NRXN3: variants seen among roughly 807,000 people sequenced by gnomAD.
NRXN3 encodes neurexin III.
In NRXN3, 32 loss-of-function variants were observed where a neutral mutation model predicts 137.6. That is an observed-to-expected ratio of 0.23 (90% confidence interval 0.18 to 0.31). NRXN3 has a LOEUF of 0.31. Ranked by LOEUF, NRXN3 falls within the 10% of genes least tolerant of loss-of-function variation. NRXN3 has a pLI of 1.00. For missense variants in NRXN3, 1,574 were observed against 2,062.5 expected (o/e 0.76, Z 4.59); for synonymous variants, 798 against 784.5 (o/e 1.02, Z -0.29).
In NRXN3 at chr14:78,243,265, A is replaced by G. The variant is rs768971906; in HGVS notation, c.172A>G (p.Asn58Asp). The G allele has an allele frequency of 1.3e-6, 2 of 1,560,340 alleles. No homozygotes were observed. The highest frequency in any genetic ancestry group is 2.3e-5 in the South Asian group (2 of 85,574). ...RSDLSFQFKT[N>D]VSTGLLLYLD... is the part of the protein sequence containing the mutation. The stretch of plus-strand genomic sequence containing the variant: ...TGACCTGAGTTTCCAGTTCAAGACC[A>G]ACGTCTCTACGGGGCTGCTCCTCTA... Residue 58 changes from asparagine (N) to aspartate (D), a missense_variant, in exon 2 of 21, where the codon AAC (asparagine) becomes GAC (aspartate). Physicochemically the swap from Asn to Asp is conservative, Grantham distance 23. This residue lies in a region of NRXN3 where 400 missense variants were observed against 527.3 expected (regional missense o/e 0.76). Coordinates refer to ENST00000335750, the MANE Select transcript of NRXN3 (RefSeq NM_001330195.2). The surrounding 1 kb of genome is among the most constrained non-coding windows in gnomAD (Gnocchi z 4.2).
At chr14:78,548,592 C>G (rs915610453) in intron 4 of NRXN3, among the ~76,000 whole-genome samples, 1 of 152,198 alleles carries the variant, frequency 6.6e-6, no homozygotes, top group Non-Finnish European at 1.5e-5. Flanking sequence ...CCTGCTTCTT[C>G]TAGAATCCTT....
chr14:79,173,377 A>G (rs1002169622), intron 15 of NRXN3, among the ~76,000 whole-genome samples: 11 of 151,736 alleles, frequency 7.2e-5, no homozygotes, highest in Non-Finnish European at 1.5e-4. Flanking sequence ...ACAGGCACAC[A>G]CGCACATAGC....
At chr14:79,845,366 A>C (rs1420592260) in intron 20 of NRXN3, among the ~76,000 whole-genome samples, 3 of 152,228 alleles carry the variant, frequency 2.0e-5, no homozygotes, top group African/African-American at 7.2e-5. Context: ...TTTTTGGCCT[A>C]TTTCAGCTTT....
At chr14:79,300,186 A>G (rs2084904524) in intron 15 of NRXN3, among the ~76,000 whole-genome samples, 1 of 152,050 alleles carries the variant, frequency 6.6e-6, no homozygotes, top group African/African-American at 2.4e-5. Context: ...TCAAATGTTA[A>G]GTAATCTGCT....
chr14:79,378,875 TTA>T (rs1491424525), intron 15 of NRXN3, among the ~76,000 whole-genome samples: 1 of 132,330 alleles, frequency 7.6e-6, no homozygotes, highest in Non-Finnish European at 1.7e-5. Flanking sequence ...ATGAACAGAT[TTA>T]AAAAAAAAAA....
intron 15 of NRXN3, among the ~76,000 whole-genome samples, chr14:79,108,176 T>C (rs2052804763): frequency 6.6e-6 from 1 of 152,164 alleles, no homozygotes; most frequent in South Asian, 2.1e-4. Flanking sequence ...TGAATTCCCT[T>C]GGGTTAGAAG....
intron 4 of NRXN3, among the ~76,000 whole-genome samples, chr14:78,564,598 T>G (rs895639813): frequency 6.6e-6 from 1 of 152,248 alleles, no homozygotes; most frequent in Non-Finnish European, 1.5e-5. Flanking sequence ...TAGAAACTTA[T>G]GTATTGTACC....
chr14:79,805,847 C>T (rs1313858421), intron 20 of NRXN3, among the ~76,000 whole-genome samples: 1 of 152,144 alleles, frequency 6.6e-6, no homozygotes, highest in Non-Finnish European at 1.5e-5. Flanking sequence ...CAAAATGTAT[C>T]TACTGTGCTG....
rs565252729 is a variant in NRXN3, at chr14:78,488,821, G to C, written c.758-156299G>C. Among the ~76,000 whole-genome samples the C allele has an allele frequency of 3.3e-5, 5 of 149,582 alleles. No individual in the cohort carries two copies. In the East Asian group the frequency reaches 6.0e-4, roughly 18 times the overall value. ...GGGAGGAGGAGATAAAGGAGGAGAG[G>C]AGAAGAAATGAAGAGGGAATGGGAG... On this transcript the variant is annotated intron_variant, in intron 4 of 20. Coordinates refer to ENST00000335750, the MANE Select transcript of NRXN3 (RefSeq NM_001330195.2).
At chr14:79,153,598 G>A (rs964674239) in intron 15 of NRXN3, among the ~76,000 whole-genome samples, 1 of 151,856 alleles carries the variant, frequency 6.6e-6, no homozygotes, top group Non-Finnish European at 1.5e-5. Context: ...TGAGAAGACC[G>A]TAAACCCAGG....
chr14:78,471,784 T>G (rs1303824388), intron 4 of NRXN3, among the ~76,000 whole-genome samples: 1 of 152,144 alleles, frequency 6.6e-6, no homozygotes, highest in Non-Finnish European at 1.5e-5. Flanking sequence ...TAAGGTAAAT[T>G]TATGCACAGA....
chr14:78,364,294 A>C (rs1272012779), intron 4 of NRXN3, among the ~76,000 whole-genome samples: 1 of 152,144 alleles, frequency 6.6e-6, no homozygotes, highest in Admixed American at 6.5e-5. Flanking sequence ...AGTGGGAGAG[A>C]GTTTAAGCAG....
At chr14:78,496,077 G>T (rs1434111926) in intron 4 of NRXN3, among the ~76,000 whole-genome samples, 2 of 152,198 alleles carry the variant, frequency 1.3e-5, no homozygotes, top group Non-Finnish European at 2.9e-5. Flanking sequence ...GGAGGGACAA[G>T]ATACTAATAC....
intron 15 of NRXN3, among the ~76,000 whole-genome samples, chr14:79,343,538 T>C (rs572081769): frequency 6.6e-6 from 1 of 152,094 alleles, no homozygotes; most frequent in Non-Finnish European, 1.5e-5. Context: ...CTAGAGCATT[T>C]TTTTCTTTCT....
chr14:79,191,400 A>C (rs1425602573), intron 15 of NRXN3, among the ~76,000 whole-genome samples: 1 of 152,182 alleles, frequency 6.6e-6, no homozygotes, highest in Non-Finnish European at 1.5e-5. Flanking sequence ...ATCCTTTTGA[A>C]GGTGATGGCT....
At chr14:79,789,764 G>A (rs138778169) in intron 19 of NRXN3, among the ~76,000 whole-genome samples, 165 of 152,232 alleles carry the variant, frequency 1.1e-3, no homozygotes, top group Non-Finnish European at 1.8e-3. Flanking sequence ...ACTGCAACCC[G>A]CTTTATCAGC....
chr14:78,746,692 T>A (rs1441851229), intron 8 of NRXN3, among the ~76,000 whole-genome samples: 2 of 152,208 alleles, frequency 1.3e-5, no homozygotes, highest in Non-Finnish European at 2.9e-5. Context: ...GAGAGATGCC[T>A]AACCACCCAT....
intron 4 of NRXN3, among the ~76,000 whole-genome samples, chr14:78,557,113 T>C (rs982172182): frequency 6.7e-6 from 1 of 149,056 alleles, no homozygotes; most frequent in Non-Finnish European, 1.5e-5. Context: ...TGCATGATCA[T>C]GGCTGAATGT....
intron 10 of NRXN3, among the ~76,000 whole-genome samples, chr14:78,862,652 C>G (rs1466417346): frequency 6.6e-6 from 1 of 152,080 alleles, no homozygotes; most frequent in Non-Finnish European, 1.5e-5. Context: ...CAACCATTTA[C>G]TAATGTCCTA....
Sources: allele counts gnomAD v4.1 joint callset (sites outside exome capture counted in the v4.1 genomes callset), GRCh38; gene constraint gnomAD v4.1.1; regional missense constraint gnomAD v4.1.1; non-coding constraint Gnocchi (gnomAD v3.1); transcripts MANE v1.5; gene names NCBI Gene and HGNC (gene_info 2026-07-23, HGNC 2026-07-21).